GBP3: variants seen among roughly 807,000 people sequenced by gnomAD.
GBP3 encodes guanylate-binding protein 3.
In GBP3, 55 loss-of-function variants were observed where a neutral mutation model predicts 62.4. The observed-to-expected ratio is 0.88, with a 90% confidence interval of 0.71 to 1.10. The LOEUF (loss-of-function observed/expected upper bound fraction) is 1.10, where lower values mean the gene tolerates loss of function less well. Ranked by LOEUF, GBP3 falls within the 50% of genes least tolerant of loss-of-function variation. GBP3 has a pLI of 0.00. For synonymous variants in GBP3, 208 were observed against 259.2 expected, an observed-to-expected ratio of 0.80 and a Z score of 1.90; for missense variants, 605 against 690.6, an observed-to-expected ratio of 0.88 and a Z score of 1.39.
In GBP3 at chr1:89,013,298, T is replaced by G. The variant is rs750930105; in HGVS notation, c.755A>C (p.Gln252Pro). The change falls in exon 6 of 11, where the codon CAA becomes CCA. Residue 252 changes from glutamine to proline, a missense_variant. By Grantham distance (76) the Gln-to-Pro change is moderately conservative (BLOSUM62 -1). Coordinates refer to ENST00000370481, the MANE Select transcript of GBP3 (RefSeq NM_018284.3). ...RRKLAQLEKL[Q>P]DEELDPEFVQ... ...AAATTCAGGGTCCAGCTCTTCATCT[T>G]GTAGTTTCTCAAGCTGGGCAAGCTT... 13 of 1,614,214 alleles carry G rather than the reference T, an allele frequency of 8.1e-6. No individual in the cohort carries two copies. In the East Asian group the frequency reaches 2.7e-4, roughly 33 times the overall value.
intron 9 of GBP3, 117 bp from the exon 10 acceptor site, chr1:89,009,257 C>T: frequency 7.3e-7 from 1 of 1,363,036 alleles, no homozygotes; most frequent in Non-Finnish European, 1.0e-6. Flanking sequence ...ATGACCTCAA[C>T]AAGTAAGACA....
chr1:89,007,465 C>T lies in GBP3; in HGVS notation c.*259G>A, dbSNP rs902706600. On this transcript the variant is annotated 3_prime_UTR_variant, in exon 11 of 11. Coordinates refer to ENST00000370481, the MANE Select transcript of GBP3 (RefSeq NM_018284.3). ...AAGACTTTCCTCAGTATCCACTGGT[C>T]GTCTGGAAGAATAAACTTCTGAGTG... The T allele has an allele frequency of 2.7e-5, 9 of 338,070 alleles. No homozygotes were observed. Among genetic ancestry groups the T allele is most frequent in the South Asian group, 1.3e-4 (3 of 22,930 alleles). 20.9% of individuals were successfully genotyped at this position (338,070 alleles called of 1,614,324 possible).
chr1:89,015,359 A>G lies in GBP3; in HGVS notation c.246T>C (p.Cys82=). The G allele has an allele frequency of 6.2e-7, 1 of 1,613,652 alleles. No homozygotes were observed. Among genetic ancestry groups the G allele is most frequent in the Non-Finnish European group, 8.5e-7 (1 of 1,179,736 alleles). Residue 82 remains cysteine (C), a synonymous_variant, in exon 3 of 11, where the codon TGT becomes TGC. Coordinates refer to ENST00000370481, the MANE Select transcript of GBP3 (RefSeq NM_018284.3). ...KSHTKGIWMW[C]VPHPKKPEHT... is the part of the protein sequence containing the mutation. ...GTTCTGGCTTTTTGGGGTGAGGCAC[A>G]CACCACATCCAGATTCCTTTGGTGT... is the stretch of plus-strand genomic sequence containing the variant.
intron 2 of GBP3, among the ~76,000 whole-genome samples, chr1:89,017,685 C>A (rs1043326544): frequency 8.5e-5 from 13 of 152,158 alleles, no homozygotes; most frequent in Non-Finnish European, 1.6e-4. Context: ...GGCCAATAAG[C>A]ACCTGAAAAG....
Position 89,007,556 on chromosome 1 carries a change from A to C in GBP3, c.*168T>G. On this transcript the variant is annotated 3_prime_UTR_variant, in exon 11 of 11. Transcript: ENST00000370481. ...ATGCATCTTTGTTGCACAATTTACA[A>C]TCTTTTTAAGGAAAAAACATGATTT... is the stretch of plus-strand genomic sequence containing the variant. 1.5e-6 allele frequency: 1 copy of C among 680,998 alleles called. No individual in the cohort carries two copies. The highest frequency in any genetic ancestry group is 2.6e-5 in the East Asian group (1 of 37,852). 42.2% of individuals were successfully genotyped at this position (680,998 alleles called of 1,614,324 possible). A position where few individuals can be genotyped will look rare whatever the true frequency, so the allele number is the denominator to read the frequency against.
chr1:89,015,744 TAAA>T (rs58886103), intron 2 of GBP3, among the ~76,000 whole-genome samples: 1 of 86,032 alleles, frequency 1.2e-5, no homozygotes, highest in Non-Finnish European at 2.2e-5. Flanking sequence ...ACTCTTGTCT[TAAA>T]AAAAAAAAAA....
At chr1:89,021,546 C>CACACACACA (rs1557734773) in intron 1 of GBP3, among the ~76,000 whole-genome samples, 4 of 85,928 alleles carry the variant, frequency 4.7e-5, no homozygotes, top group African/African-American at 1.5e-4. Context: ...ACACACACAC[C>CACACACACA]CCAAAAAAAC....
chr1:89,014,365 C>T, intron 4 of GBP3, 86 bp from the exon 5 acceptor site: 4 of 1,603,260 alleles, frequency 2.5e-6, no homozygotes, highest in Non-Finnish European at 3.4e-6. Flanking sequence ...CTTCCATTTT[C>T]CTTTGATCCT....
At chr1:89,018,407 G>A (rs1053820454) in intron 2 of GBP3, among the ~76,000 whole-genome samples, 11 of 152,124 alleles carry the variant, frequency 7.2e-5, no homozygotes, top group Non-Finnish European at 1.0e-4. Context: ...GGCCATAAAC[G>A]CATTCATCTT....
Position 89,014,143 on chromosome 1 carries a change from C to T in GBP3, c.565G>A (p.Ala189Thr). ...TLRDFSLDLE[A>T]DGQPLTPDEY... Reference sequence around the variant, plus strand: ...TCTGGTGTGAGGGGTTGTCCATCTGCTTCCAAGTCCAGGGAGAAATCTCTC... The same window carrying T: ...TCTGGTGTGAGGGGTTGTCCATCTGTTTCCAAGTCCAGGGAGAAATCTCTC... Residue 189 changes from alanine to threonine, a missense_variant, in exon 5 of 11, where the codon GCA becomes ACA. Physicochemically the swap from Ala to Thr is moderately conservative, Grantham distance 58. Transcript: ENST00000370481. 6.2e-7 allele frequency: 1 copy of T among 1,614,212 alleles called. No homozygotes were observed.
At position 89,008,937 on chromosome 1, in the gene GBP3, A is replaced by G; in HGVS notation, c.1659+10T>C. ...AGAAAAACGAACCACAAGGTGATGCATTTGGATACCTGAAGTTTACTAGTG... is the reference window on the plus strand; with the variant it reads ...AGAAAAACGAACCACAAGGTGATGCGTTTGGATACCTGAAGTTTACTAGTG... On this transcript the variant is annotated intron_variant, in intron 10 of 10. Transcript: ENST00000370481. The G allele has an allele frequency of 6.2e-7, 1 of 1,613,988 alleles. No individual in the cohort carries two copies.
chr1:89,010,120 ACTAATTTT>A (rs1469948808), intron 8 of GBP3, among the ~76,000 whole-genome samples: 5 of 131,674 alleles, frequency 3.8e-5, no homozygotes, highest in African/African-American at 1.7e-4. Context: ...TAATTAATTA[ACTAATTTT>A]TTTTTTTTTT....
Position 89,007,697 on chromosome 1 carries a change from G to C in GBP3, c.*27C>G. The C allele has an allele frequency of 6.3e-7, 1 of 1,598,278 alleles. No individual in the cohort carries two copies. The highest frequency in any genetic ancestry group is 8.5e-7 in the Non-Finnish European group (1 of 1,173,000). ...TAAAATTGTTTCAGTTATGCCTTGG[G>C]TTAGGATGACAGAAAAGCTCTGTTG... On this transcript the variant is annotated 3_prime_UTR_variant, in exon 11 of 11. Coordinates refer to ENST00000370481, the MANE Select transcript of GBP3 (RefSeq NM_018284.3).
Position 89,007,629 on chromosome 1 carries a change from A to T in GBP3, c.*95T>A. 3.5e-6 allele frequency: 4 copies of T among 1,155,062 alleles called. No homozygotes were observed. The highest frequency in any genetic ancestry group is 5.0e-6 in the Non-Finnish European group (4 of 804,670). The allele number at this position is 1,155,062 out of a possible 1,614,324, so 71.6% of individuals were successfully genotyped here. ...TGTAAACTTTTAGTGTTATGATGCA[A>T]GATCTAATTATTATCAAATATAGTG... On this transcript the variant is annotated 3_prime_UTR_variant, in exon 11 of 11. Transcript: ENST00000370481.
intron 8 of GBP3, among the ~76,000 whole-genome samples, chr1:89,010,593 A>G (rs1678501303): frequency 7.3e-6 from 1 of 137,590 alleles, no homozygotes; most frequent in South Asian, 2.4e-4. Flanking sequence ...TTATATTCTT[A>G]CTAGAGACAT....
At chr1:89,022,143 A>G (rs1395695971) in intron 1 of GBP3, among the ~76,000 whole-genome samples, 1 of 152,074 alleles carries the variant, frequency 6.6e-6, no homozygotes, top group African/African-American at 2.4e-5. Context: ...CAAATGTGTA[A>G]TAAAAAGTAT....
Position 89,013,176 on chromosome 1 carries a change from G to A in GBP3, c.868+9C>T, listed in dbSNP as rs1159422939. ...AACAATGAGTGGAAGTACTACGAAG[G>A]GGACTTACGAGGCCCATTGACCTTG... On this transcript the variant is annotated intron_variant, in intron 6 of 10. Transcript: ENST00000370481. The A allele has an allele frequency of 6.2e-7, 1 of 1,611,496 alleles. No homozygotes were observed. Among genetic ancestry groups the A allele is most frequent in the Non-Finnish European group, 8.5e-7 (1 of 1,177,986 alleles).
intron 5 of GBP3, chr1:89,013,782 A>T (rs779115426): frequency 2.1e-5 from 9 of 419,846 alleles, no homozygotes; most frequent in African/African-American, 4.0e-5. Flanking sequence ...CTACATAAGG[A>T]GATAAAATTT....
In GBP3 at chr1:89,007,676, A is replaced by C; in HGVS notation, c.*48T>G. 1.3e-6 allele frequency: 2 copies of C among 1,551,594 alleles called. No individual in the cohort carries two copies. Among genetic ancestry groups the C allele is most frequent in the Non-Finnish European group, 1.7e-6 (2 of 1,146,838 alleles). ...AGTGACACTTGTTCCAAATTCTAAA[A>C]TTGTTTCAGTTATGCCTTGGGTTAG... On this transcript the variant is annotated 3_prime_UTR_variant, in exon 11 of 11. Transcript: ENST00000370481.
Sources: allele counts gnomAD v4.1 joint callset (sites outside exome capture counted in the v4.1 genomes callset), GRCh38; gene constraint gnomAD v4.1.1; transcripts MANE v1.5; gene names NCBI Gene and HGNC (gene_info 2026-07-23, HGNC 2026-07-21).